Variants in SLC35F3 observed in about 807,000 individuals in gnomAD.
SLC35F3 encodes putative thiamine transporter SLC35F3.
SLC35F3 carries 25 observed loss-of-function variants against 49.9 expected under a neutral mutation model. The observed-to-expected ratio is 0.50, with a 90% CI of 0.37 to 0.70. The LOEUF is 0.70. Ranked by LOEUF, SLC35F3 falls within the 30% of genes least tolerant of loss-of-function variation. The pLI is 0.00. For missense variants in SLC35F3, 525 were observed against 639.8 expected (o/e 0.82, Z 1.94); for synonymous variants, 275 against 265.4 (o/e 1.04, Z -0.35).
At chr1:234,170,884 G>A (rs918037975) in intron 2 of SLC35F3, among the ~76,000 whole-genome samples, 1 of 152,188 alleles carries the variant, frequency 6.6e-6, no homozygotes, top group East Asian at 1.9e-4. Flanking sequence ...GGCCCCTCAG[G>A]ATCTTGGCAA....
rs1024125719 is a variant in SLC35F3, at chr1:233,962,816, A to G, written c.283+57058A>G. Among the ~76,000 whole-genome samples the G allele has an allele frequency of 4.6e-5, 7 of 152,334 alleles. No homozygotes were observed. In the East Asian group the frequency reaches 1.2e-3, roughly 25 times the overall value. On this transcript the variant is annotated intron_variant, in intron 2 of 7. Transcript: ENST00000366618. ...AAACCTCTACAGTGCATTCCTTTTC[A>G]TAGTTGAGCCTTGTGACTAGGATGG...
At chr1:234,111,561 C>T (rs1044041630) in intron 2 of SLC35F3, among the ~76,000 whole-genome samples, 4 of 152,162 alleles carry the variant, frequency 2.6e-5, no homozygotes, top group Non-Finnish European at 4.4e-5. Flanking sequence ...CCAAAGTGCT[C>T]GGATTACAGG....
chr1:234,061,857 T>G (rs1327567705), intron 2 of SLC35F3, among the ~76,000 whole-genome samples: 2 of 152,002 alleles, frequency 1.3e-5, no homozygotes, highest in South Asian at 2.1e-4. Context: ...GGTGCAACAT[T>G]GTCATCATAT....
chr1:234,137,445 G>C (rs1665827806), intron 2 of SLC35F3, among the ~76,000 whole-genome samples: 1 of 152,222 alleles, frequency 6.6e-6, no homozygotes. Flanking sequence ...AGTGATCATG[G>C]GAAGAGCACA....
chr1:233,964,900 A>G (rs1017140593), intron 2 of SLC35F3, among the ~76,000 whole-genome samples: 1 of 152,216 alleles, frequency 6.6e-6, no homozygotes, highest in Non-Finnish European at 1.5e-5. Flanking sequence ...ATCAGAGGAA[A>G]CTAGTGCACA....
intron 2 of SLC35F3, among the ~76,000 whole-genome samples, chr1:234,226,961 GCA>G (rs57809897): frequency 0.014 from 2,015 of 148,456 alleles, 24 homozygotes; most frequent in South Asian, 0.034. Context: ...GCGCACGCGT[GCA>G]CACACACACA....
chr1:234,291,789 A>G (rs746583631), intron 3 of SLC35F3, among the ~76,000 whole-genome samples: 4 of 152,196 alleles, frequency 2.6e-5, no homozygotes, highest in Non-Finnish European at 4.4e-5. Flanking sequence ...AATTAGGGTA[A>G]TCTTGCCTTC....
chr1:233,998,551 G>C (rs563157269), intron 2 of SLC35F3, among the ~76,000 whole-genome samples: 1 of 150,206 alleles, frequency 6.7e-6, no homozygotes, highest in Non-Finnish European at 1.5e-5. Flanking sequence ...ACTTAGGAAG[G>C]GATTTCTCTC....
At chr1:234,223,089 G>C (rs1434088395) in intron 2 of SLC35F3, among the ~76,000 whole-genome samples, 1 of 152,188 alleles carries the variant, frequency 6.6e-6, no homozygotes, top group East Asian at 1.9e-4. Context: ...GGCACAAACA[G>C]TATTATTTAA....
intron 2 of SLC35F3, among the ~76,000 whole-genome samples, chr1:234,182,463 C>T (rs1666573619): frequency 6.6e-6 from 1 of 152,230 alleles, no homozygotes; most frequent in South Asian, 2.1e-4. Flanking sequence ...TTGCTTTCTT[C>T]AGCTCCATTG....
chr1:234,205,140 G>A (rs1572094015), intron 2 of SLC35F3, among the ~76,000 whole-genome samples: 1 of 152,148 alleles, frequency 6.6e-6, no homozygotes, highest in South Asian at 2.1e-4. Flanking sequence ...TTGGCCAATA[G>A]GGTCATTTGG....
intron 2 of SLC35F3, among the ~76,000 whole-genome samples, chr1:234,201,391 G>GT (rs1038473922): frequency 6.6e-6 from 1 of 152,158 alleles, no homozygotes; most frequent in East Asian, 1.9e-4. Flanking sequence ...GTCGAGTAAA[G>GT]TTTTTTGTGC....
chr1:234,091,771 G>T (rs1161289949), intron 2 of SLC35F3, among the ~76,000 whole-genome samples: 1 of 152,158 alleles, frequency 6.6e-6, no homozygotes, highest in Non-Finnish European at 1.5e-5. Flanking sequence ...CTGTGTCATA[G>T]ATTTCTGCAC....
At chr1:234,145,302 C>A (rs1401696634) in intron 2 of SLC35F3, among the ~76,000 whole-genome samples, 1 of 152,206 alleles carries the variant, frequency 6.6e-6, no homozygotes, top group African/African-American at 2.4e-5. Context: ...CTAACTGGAT[C>A]ATGCTATTGG....
chr1:234,189,102 T>A (rs562807780), intron 2 of SLC35F3, among the ~76,000 whole-genome samples: 4 of 151,454 alleles, frequency 2.6e-5, no homozygotes, highest in African/African-American at 9.7e-5. Flanking sequence ...CCTACCCAAA[T>A]GAGAAGGAAC....
chr1:234,064,812 C>T lies in SLC35F3; in HGVS notation c.283+159054C>T, dbSNP rs1041173187. ...ATAAATTGTTACTAAAGTTTCTTAT[C>T]CTCTAACAGCAACCCAGGAAAGTAA... On this transcript the variant is annotated intron_variant, in intron 2 of 7. Transcript: ENST00000366618. Among the ~76,000 whole-genome samples, 8 of 151,582 alleles carry T rather than the reference C, an allele frequency of 5.3e-5. No individual in the cohort carries two copies. The South Asian group carries it at 1.5e-3, about 27-fold the overall frequency.
chr1:233,948,188 GGGGAGAGA>G (rs57646652), intron 2 of SLC35F3, among the ~76,000 whole-genome samples: 1,918 of 95,964 alleles, frequency 0.02, 28 homozygotes, highest in African/African-American at 0.044. Flanking sequence ...GTAAGAGGGA[GGGGAGAGA>G]GAGAGAGGGA....
At chr1:233,965,806 G>A (rs1662897040) in intron 2 of SLC35F3, among the ~76,000 whole-genome samples, 1 of 152,222 alleles carries the variant, frequency 6.6e-6, no homozygotes, top group Non-Finnish European at 1.5e-5. Flanking sequence ...CCTCAAAACT[G>A]TGAAATAATT....
intron 3 of SLC35F3, among the ~76,000 whole-genome samples, chr1:234,267,824 C>G (rs1328848669): frequency 6.5e-4 from 90 of 137,546 alleles, no homozygotes; most frequent in African/African-American, 2.5e-3. Context: ...GACAGGGTTG[C>G]GCCCAGCAGA....
Sources: allele counts gnomAD v4.1 joint callset (sites outside exome capture counted in the v4.1 genomes callset), GRCh38; gene constraint gnomAD v4.1.1; transcripts MANE v1.5; gene names NCBI Gene and HGNC (gene_info 2026-07-23, HGNC 2026-07-21).